DYNC1I1: variants seen among roughly 807,000 people sequenced by gnomAD.
DYNC1I1 encodes cytoplasmic dynein 1 intermediate chain 1.
Under a neutral mutation model 86.6 loss-of-function variants are expected in DYNC1I1, and 43 were observed. That is an observed-to-expected ratio of 0.50 (90% CI 0.39 to 0.64). The LOEUF (loss-of-function observed/expected upper bound fraction) is 0.64, where lower values mean the gene tolerates loss of function less well. DYNC1I1 is among the 30% of genes least tolerant of loss of function. The probability of loss-of-function intolerance (pLI) is 0.00; values close to 1 mark genes in which losing one functional copy is unlikely to be tolerated. For missense variants in DYNC1I1, 604 were observed against 788.8 expected (o/e 0.77, Z 2.81); for synonymous variants, 262 against 283.7 (o/e 0.92, Z 0.77).
intron 10 of DYNC1I1, among the ~76,000 whole-genome samples, chr7:96,006,181 G>A (rs1159006003): frequency 6.6e-6 from 1 of 152,184 alleles, no homozygotes; most frequent in African/African-American, 2.4e-5. Context: ...CACTTAATAT[G>A]TGTAATGGGA....
intron 14 of DYNC1I1, among the ~76,000 whole-genome samples, chr7:96,066,849 T>C (rs1790006670): frequency 6.6e-6 from 1 of 152,250 alleles, no homozygotes. Context: ...TTCTCTTACC[T>C]GGATTGTTTG....
chr7:95,943,718 C>T (rs1387663759), intron 6 of DYNC1I1, among the ~76,000 whole-genome samples: 37 of 151,002 alleles, frequency 2.5e-4, no homozygotes, highest in Admixed American at 2.7e-4. Flanking sequence ...GAAATAACGC[C>T]GCATATCTAC....
intron 5 of DYNC1I1, among the ~76,000 whole-genome samples, chr7:95,862,320 C>A (rs192806835): frequency 2.6e-5 from 4 of 151,616 alleles, no homozygotes; most frequent in Admixed American, 2.0e-4. Flanking sequence ...GTTCTAATAT[C>A]CACAGTTATA....
chr7:95,849,754 A>C (rs1249038417), intron 5 of DYNC1I1, among the ~76,000 whole-genome samples: 2 of 152,050 alleles, frequency 1.3e-5, no homozygotes, highest in Non-Finnish European at 2.9e-5. Context: ...GTTCTGTAAA[A>C]AATTTCGCTG....
chr7:96,100,341 C>CCCTT (rs577803214), downstream of DYNC1I1, among the ~76,000 whole-genome samples: 5 of 151,474 alleles, frequency 3.3e-5, no homozygotes, highest in African/African-American at 4.8e-5. Flanking sequence ...CTCCCTCTCT[C>CCCTT]CCTTCCTTCC....
At chr7:95,886,857 G>T (rs1790607235) in intron 6 of DYNC1I1, among the ~76,000 whole-genome samples, 1 of 152,214 alleles carries the variant, frequency 6.6e-6, no homozygotes, top group Non-Finnish European at 1.5e-5. Flanking sequence ...GTGAGTGATG[G>T]TATTCTGTTT....
intron 5 of DYNC1I1, among the ~76,000 whole-genome samples, chr7:95,847,151 G>A (rs1789454001): frequency 6.6e-6 from 1 of 152,096 alleles, no homozygotes; most frequent in South Asian, 2.1e-4. Flanking sequence ...TCTCTAATTT[G>A]TTTCCTTTTC....
intron 6 of DYNC1I1, among the ~76,000 whole-genome samples, chr7:95,960,936 T>C (rs1233977639): frequency 1.3e-5 from 2 of 152,216 alleles, no homozygotes; most frequent in Non-Finnish European, 2.9e-5. Context: ...TGTAAACGTC[T>C]CCGCCAAGCA....
At chr7:96,015,809 G>A (rs1219366771) in intron 10 of DYNC1I1, among the ~76,000 whole-genome samples, 1 of 152,058 alleles carries the variant, frequency 6.6e-6, no homozygotes, top group African/African-American at 2.4e-5. Context: ...GAAATTGAGG[G>A]CTCAGTGAGA....
chr7:95,813,108 C>G, intron 3 of DYNC1I1, 139 bp from the exon 4 acceptor site: 485 of 612,868 alleles, frequency 7.9e-4, no homozygotes, highest in East Asian at 1.0e-3. Context: ...TTTTTTTTTT[C>G]TTTATCCCAT....
chr7:95,894,072 C>T (rs1223740677), intron 6 of DYNC1I1, among the ~76,000 whole-genome samples: 1 of 151,992 alleles, frequency 6.6e-6, no homozygotes, highest in Non-Finnish European at 1.5e-5. Context: ...TGATATTATA[C>T]TACTATCAAG....
At position 95,944,764 on chromosome 7, in the gene DYNC1I1, A is replaced by G. The variant is rs549920322; in HGVS notation, c.491-32748A>G. On this transcript the variant is annotated intron_variant, in intron 6 of 16. Coordinates refer to ENST00000447467, the MANE Select transcript of DYNC1I1 (RefSeq NM_001135556.2). ...TGGAAATCATCATTCTCAGTAAACT[A>G]TCGCAAGAACAAAAAACCAAATACC... Among the ~76,000 whole-genome samples, 94 of 151,960 alleles carry G rather than the reference A, an allele frequency of 6.2e-4. No homozygotes were observed. In the South Asian group the frequency reaches 8.1e-3, roughly 13 times the overall value.
At chr7:95,894,608 TA>T in intron 6 of DYNC1I1, among the ~76,000 whole-genome samples, 1 of 152,220 alleles carries the variant, frequency 6.6e-6, no homozygotes, top group Non-Finnish European at 1.5e-5. Context: ...AATCACAGTT[TA>T]AATTTTAAAT....
chr7:96,090,448 A>T (rs1790806878), intron 16 of DYNC1I1, among the ~76,000 whole-genome samples: 1 of 152,070 alleles, frequency 6.6e-6, no homozygotes, highest in Non-Finnish European at 1.5e-5. Context: ...GTTACTATTT[A>T]CTTGACTTTT....
intron 6 of DYNC1I1, among the ~76,000 whole-genome samples, chr7:95,954,134 A>G (rs1584195347): frequency 1.3e-5 from 2 of 152,032 alleles, no homozygotes; most frequent in South Asian, 4.2e-4. Flanking sequence ...AAGGGAGTAT[A>G]GGCCTTGTGG....
intron 6 of DYNC1I1, among the ~76,000 whole-genome samples, chr7:95,972,370 AC>A (rs1200215938): frequency 1.3e-5 from 2 of 151,998 alleles, no homozygotes; most frequent in Non-Finnish European, 2.9e-5. Context: ...ATGAATCCTA[AC>A]TTTTTTCTCA....
chr7:95,944,671 A>G (rs866133286), intron 6 of DYNC1I1, among the ~76,000 whole-genome samples: 3 of 152,182 alleles, frequency 2.0e-5, no homozygotes, highest in Admixed American at 6.5e-5. Flanking sequence ...TGGTACATAT[A>G]CACCATGGAA....
At chr7:95,793,927 A>C (rs989794748) in intron 1 of DYNC1I1, among the ~76,000 whole-genome samples, 1 of 152,204 alleles carries the variant, frequency 6.6e-6, no homozygotes, top group Non-Finnish European at 1.5e-5. Flanking sequence ...GCTCCTTGGG[A>C]GTGCCGCTTG....
chr7:95,903,881 T>G, intron 6 of DYNC1I1, among the ~76,000 whole-genome samples: 1 of 152,136 alleles, frequency 6.6e-6, no homozygotes, highest in Non-Finnish European at 1.5e-5. Context: ...TAGGGTGTAC[T>G]TAGTTGAATG....
Sources: gnomAD v4.1 joint callset for allele counts (sites outside exome capture counted in the v4.1 genomes callset) on GRCh38, gnomAD v4.1.1 for gene constraint, MANE v1.5 for transcripts, NCBI Gene and HGNC (gene_info 2026-07-23, HGNC 2026-07-21) for gene names.